The following SNTG1 variants were observed in gnomAD, a reference collection of about 807,000 sequenced individuals.
The protein encoded by SNTG1 is syntrophin gamma 1, also known as gamma-1-syntrophin.
Under a neutral mutation model 74.7 loss-of-function variants are expected in SNTG1, and 39 were observed. The ratio of observed to expected loss-of-function variants is 0.52; its 90% confidence interval spans 0.40 to 0.68. SNTG1 has a LOEUF of 0.68. Ranked by LOEUF, SNTG1 falls within the 30% of genes least tolerant of loss-of-function variation. The pLI is 0.00. For synonymous variants in SNTG1, 254 were observed against 217.1 expected (o/e 1.17, Z -1.49); for missense variants, 685 against 609.5 (o/e 1.12, Z -1.30).
At chr8:50,667,477 G>C (rs950889079) in intron 15 of SNTG1, among the ~76,000 whole-genome samples, 1 of 151,972 alleles carries the variant, frequency 6.6e-6, no homozygotes, top group African/African-American at 2.4e-5. Flanking sequence ...TACCAGTTGT[G>C]TCATAACACA....
intron 18 of SNTG1, chr8:50,762,437 T>A (rs1371239335): frequency 7.4e-6 from 2 of 269,944 alleles, no homozygotes; most frequent in Non-Finnish European, 1.5e-5. Flanking sequence ...ATGGTGGACA[T>A]AAAAAACTCA....
At chr8:49,935,202 AGTGTGT>A (rs140067006) in intron 1 of SNTG1, among the ~76,000 whole-genome samples, 12,154 of 133,828 alleles carry the variant, frequency 0.091, 537 homozygotes, top group Non-Finnish European at 0.099. Flanking sequence ...GCCAAGCAGA[AGTGTGT>A]GTGTGTGTGT....
At chr8:50,143,496 T>C (rs2081746939) in intron 1 of SNTG1, among the ~76,000 whole-genome samples, 1 of 152,206 alleles carries the variant, frequency 6.6e-6, no homozygotes, top group Non-Finnish European at 1.5e-5. Flanking sequence ...ATTGCTTCTG[T>C]GTATTAAAGA....
At chr8:50,349,952 C>T (rs149753222) in intron 2 of SNTG1, among the ~76,000 whole-genome samples, 20 of 152,252 alleles carry the variant, frequency 1.3e-4, no homozygotes, top group Middle Eastern at 3.4e-3. Context: ...GGCTGCACCG[C>T]GTGCTTATGG....
intron 2 of SNTG1, among the ~76,000 whole-genome samples, chr8:50,337,527 T>C (rs1309344388): frequency 6.6e-6 from 1 of 152,162 alleles, no homozygotes; most frequent in African/African-American, 2.4e-5. Context: ...ACCCAGAGCA[T>C]TCTGTTCTGT....
At chr8:49,973,376 A>AG (rs892793038) in intron 1 of SNTG1, among the ~76,000 whole-genome samples, 2 of 144,044 alleles carry the variant, frequency 1.4e-5, no homozygotes, top group African/African-American at 5.1e-5. Context: ...GGTGGGGGGA[A>AG]GGGGGAGGGG....
At chr8:50,386,731 G>T (rs902074915) in intron 2 of SNTG1, among the ~76,000 whole-genome samples, 1 of 146,792 alleles carries the variant, frequency 6.8e-6, no homozygotes, top group African/African-American at 2.4e-5. Context: ...AAGAAGGGAG[G>T]TTCCAGACTC....
At chr8:49,977,316 A>G (rs960482573) in intron 1 of SNTG1, among the ~76,000 whole-genome samples, 5 of 152,114 alleles carry the variant, frequency 3.3e-5, no homozygotes, top group Non-Finnish European at 7.4e-5. Flanking sequence ...AAAGCAATTC[A>G]GAAAATGTAG....
At chr8:50,759,972 A>G (rs1430779062) in intron 18 of SNTG1, among the ~76,000 whole-genome samples, 1 of 152,122 alleles carries the variant, frequency 6.6e-6, no homozygotes, top group Non-Finnish European at 1.5e-5. Flanking sequence ...TTTTCTATCC[A>G]TGAGCATGGA....
At chr8:50,593,637 T>G (rs2094706956) in intron 13 of SNTG1, among the ~76,000 whole-genome samples, 1 of 152,030 alleles carries the variant, frequency 6.6e-6, no homozygotes, top group African/African-American at 2.4e-5. Context: ...TCACTTTTCA[T>G]GAGGAGTAAG....
At chr8:50,217,297 A>G (rs2084837275) in intron 2 of SNTG1, among the ~76,000 whole-genome samples, 1 of 152,128 alleles carries the variant, frequency 6.6e-6, no homozygotes. Context: ...ACCTTGGCCT[A>G]TGATGAAAGA....
intron 1 of SNTG1, among the ~76,000 whole-genome samples, chr8:50,170,649 C>T (rs1332664146): frequency 4.6e-5 from 7 of 152,144 alleles, no homozygotes; most frequent in Non-Finnish European, 5.9e-5. Context: ...GCCAGAAGTG[C>T]AGGCATGACA....
chr8:50,048,743 T>G (rs1023403365), intron 1 of SNTG1, among the ~76,000 whole-genome samples: 1 of 152,182 alleles, frequency 6.6e-6, no homozygotes, highest in Admixed American at 6.6e-5. Flanking sequence ...ATTTTTTATG[T>G]GTTTGACCTT....
chr8:50,719,287 A>G (rs1011386037), intron 17 of SNTG1, among the ~76,000 whole-genome samples: 24 of 152,172 alleles, frequency 1.6e-4, no homozygotes, highest in African/African-American at 5.8e-4. Context: ...CTCTGTCCTC[A>G]TGAGTGGAAT....
intron 13 of SNTG1, among the ~76,000 whole-genome samples, chr8:50,640,947 A>C (rs866258767): frequency 6.6e-6 from 1 of 152,128 alleles, no homozygotes; most frequent in Non-Finnish European, 1.5e-5. Context: ...TAGCGCATTC[A>C]TCTTATGTCA....
At chr8:50,131,511 T>G (rs2081316108) in intron 1 of SNTG1, among the ~76,000 whole-genome samples, 2 of 152,138 alleles carry the variant, frequency 1.3e-5, no homozygotes, top group South Asian at 2.1e-4. Context: ...TACTTGTGTA[T>G]TAAGGCTGAA....
chr8:50,556,445 G>C (rs2094456019), intron 12 of SNTG1, among the ~76,000 whole-genome samples: 1 of 152,104 alleles, frequency 6.6e-6, no homozygotes, highest in South Asian at 2.1e-4. Flanking sequence ...AAGTGGACTT[G>C]AGTAGATTCT....
Position 50,792,732 on chromosome 8 carries a change from A to G in SNTG1, c.1457A>G (p.Lys486Arg). The G allele has an allele frequency of 6.2e-7, 1 of 1,612,556 alleles. No homozygotes were observed. The highest frequency in any genetic ancestry group is 1.1e-5 in the South Asian group (1 of 91,014). ...LHCIHSFFAA[K>R]VACLDPLFLG... ...TGCATTCATTCCTTCTTTGCTGCCA[A>G]GGTAGCTTGTTTGGACCCTCTATTT... The change falls in exon 19 of 19, where the codon AAG (lysine) becomes AGG (arginine). Residue 486 changes from lysine (K) to arginine (R), a missense_variant. Transcript: ENST00000642720.
chr8:50,244,226 C>T (rs1451775517), intron 2 of SNTG1, among the ~76,000 whole-genome samples: 3 of 152,054 alleles, frequency 2.0e-5, no homozygotes, highest in African/African-American at 7.2e-5. Context: ...AGGACAGCAC[C>T]AAGCCATGAG....
Sources: allele counts gnomAD v4.1 joint callset (sites outside exome capture counted in the v4.1 genomes callset), GRCh38; gene constraint gnomAD v4.1.1; transcripts MANE v1.5; gene names NCBI Gene and HGNC (gene_info 2026-07-23, HGNC 2026-07-21).